The following CFAP44 variants were observed in gnomAD, a reference collection of about 807,000 sequenced individuals.
CFAP44 encodes cilia- and flagella-associated protein 44.
In CFAP44, 134 loss-of-function variants were observed where a neutral mutation model predicts 216.2. The ratio of observed to expected loss-of-function variants is 0.62; its 90% CI spans 0.54 to 0.72. The LOEUF (loss-of-function observed/expected upper bound fraction) is 0.72, where lower values mean the gene tolerates loss of function less well. CFAP44 is among the 30% of genes least tolerant of loss of function. The probability of loss-of-function intolerance (pLI) is 0.00; values close to 1 mark genes in which losing one functional copy is unlikely to be tolerated. For synonymous variants in CFAP44, 700 were observed against 727.6 expected, an observed-to-expected ratio of 0.96 and a Z score of 0.61; for missense variants, 2,035 against 2,182.1, an observed-to-expected ratio of 0.93 and a Z score of 1.34.
At chr3:113,304,249 T>C in intron 31 of CFAP44, 132 bp from the exon 32 acceptor site, 1 of 858,636 alleles carries the variant, frequency 1.2e-6, no homozygotes, top group Non-Finnish European at 1.7e-6. Flanking sequence ...TACGTCTTCC[T>C]TACTGAGTAA....
At chr3:113,389,940 A>G (rs1390342028) in intron 15 of CFAP44, among the ~76,000 whole-genome samples, 2 of 151,964 alleles carry the variant, frequency 1.3e-5, no homozygotes, top group Non-Finnish European at 2.9e-5. Flanking sequence ...AAGAATACCA[A>G]TCATGCTCAA....
At chr3:113,323,782 G>A (rs564878173) in intron 28 of CFAP44, among the ~76,000 whole-genome samples, 11 of 152,210 alleles carry the variant, frequency 7.2e-5, no homozygotes, top group African/African-American at 1.2e-4. Flanking sequence ...AGTGGCTCAC[G>A]CCTGTAATCC....
intron 17 of CFAP44, among the ~76,000 whole-genome samples, chr3:113,376,082 T>C (rs943552307): frequency 6.6e-6 from 1 of 152,192 alleles, no homozygotes; most frequent in African/African-American, 2.4e-5. Flanking sequence ...AAAAGACAAA[T>C]ATAATCCTAT....
chr3:113,331,286 G>A (rs569296285), intron 25 of CFAP44, among the ~76,000 whole-genome samples: 41 of 151,940 alleles, frequency 2.7e-4, no homozygotes, highest in Admixed American at 9.8e-4. Context: ...CAGGCACAGG[G>A]GCTATACAAT....
intron 17 of CFAP44, among the ~76,000 whole-genome samples, chr3:113,374,565 T>C (rs962372646): frequency 6.6e-6 from 1 of 152,058 alleles, no homozygotes; most frequent in Admixed American, 6.6e-5. Context: ...AAAGAGATAT[T>C]TGAACACCCA....
chr3:113,404,175 C>T, intron 8 of CFAP44, 159 bp from the exon 9 acceptor site: 2 of 789,704 alleles, frequency 2.5e-6, no homozygotes, highest in South Asian at 4.5e-5. Context: ...AGACCTACTA[C>T]CCCAGACACA....
rs749018450 is a variant in CFAP44, at chr3:113,373,433, G to T, written c.2422C>A (p.Pro808Thr). ...CACTTGAAAGTGATAGTTTGGATGG[G>T]ATTGTCCTCTGTATCCGCAAGATAA... ...VRYLADTEDN[P>T]IQTITFNINK... Residue 808 changes from proline (P) to threonine (T), a missense_variant, in exon 18 of 35, where the codon CCC (proline) becomes ACC (threonine). This residue lies in a region of CFAP44 where 1,883 missense variants were observed against 2,023.7 expected (regional missense o/e 0.93). Transcript: ENST00000393845. 2 of 1,595,914 alleles carry T rather than the reference G, an allele frequency of 1.3e-6. No homozygotes were observed. Among genetic ancestry groups the T allele is most frequent in the Admixed American group, 3.5e-5 (2 of 57,798 alleles).
intron 22 of CFAP44, among the ~76,000 whole-genome samples, chr3:113,356,257 T>G (rs1950491502): frequency 1.3e-5 from 2 of 151,270 alleles, no homozygotes; most frequent in African/African-American, 4.8e-5. Flanking sequence ...ATATTTATTA[T>G]TTAATTATTA....
chr3:113,326,326 G>A, intron 28 of CFAP44, 119 bp downstream of exon 28: 5 of 894,340 alleles, frequency 5.6e-6, no homozygotes, highest in Non-Finnish European at 7.9e-6. Flanking sequence ...CCCCCACAGT[G>A]TCTCTACATT....
intron 15 of CFAP44, among the ~76,000 whole-genome samples, chr3:113,395,015 C>A (rs1012247485): frequency 3.7e-4 from 56 of 152,324 alleles, no homozygotes; most frequent in African/African-American, 1.3e-3. Context: ...TATTTGTTGA[C>A]TAACTTCAAA....
At chr3:113,396,801 AT>A in intron 13 of CFAP44, 74 bp from the exon 14 acceptor site, 1 of 1,405,936 alleles carries the variant, frequency 7.1e-7, no homozygotes, top group Non-Finnish European at 9.7e-7. Flanking sequence ...CAGATATTTT[AT>A]TTAGACTCAG....
intron 4 of CFAP44, among the ~76,000 whole-genome samples, chr3:113,423,056 T>C (rs1195722913): frequency 1.3e-5 from 2 of 151,746 alleles, no homozygotes; most frequent in Non-Finnish European, 2.9e-5. Flanking sequence ...GAAATGTTTG[T>C]TGAACTAATG....
intron 6 of CFAP44, among the ~76,000 whole-genome samples, chr3:113,410,083 C>T: frequency 6.6e-6 from 1 of 152,188 alleles, no homozygotes; most frequent in East Asian, 1.9e-4. Flanking sequence ...AGCCAAGCAG[C>T]CCAAGCCACT....
chr3:113,423,716 C>T (rs925984876), intron 4 of CFAP44, among the ~76,000 whole-genome samples: 7 of 152,178 alleles, frequency 4.6e-5, no homozygotes, highest in African/African-American at 1.2e-4. Flanking sequence ...ATAAATGGCA[C>T]ATTTCTTGCT....
rs1439238224 is a variant in CFAP44, at chr3:113,430,116, A to G, written c.101-2777T>C. 2.0e-5 allele frequency among the ~76,000 whole-genome samples: 3 copies of G among 152,246 alleles called. No individual in the cohort carries two copies. In the East Asian group the frequency reaches 5.8e-4, roughly 29 times the overall value. On this transcript the variant is annotated intron_variant, in intron 2 of 34. Coordinates refer to ENST00000393845, the MANE Select transcript of CFAP44 (RefSeq NM_001164496.2). Reference sequence around the variant, plus strand: ...ATTTAAATGGATTGAAATCATATAGAATAGATATGTTCTCTGAAAACAACA... The same window carrying G: ...ATTTAAATGGATTGAAATCATATAGGATAGATATGTTCTCTGAAAACAACA...
chr3:113,419,864 G>A (rs909570683), intron 5 of CFAP44, among the ~76,000 whole-genome samples, 153 bp downstream of exon 5: 2 of 152,170 alleles, frequency 1.3e-5, no homozygotes, highest in African/African-American at 4.8e-5. Flanking sequence ...TAACTGAATT[G>A]AAAATGCCTT....
At chr3:113,300,325 AAC>A (rs1402050937) in intron 32 of CFAP44, among the ~76,000 whole-genome samples, 1 of 152,134 alleles carries the variant, frequency 6.6e-6, no homozygotes, top group Non-Finnish European at 1.5e-5. Flanking sequence ...GGTGAATAAT[AAC>A]TTAATTGTAC....
In CFAP44 at chr3:113,301,494, T is replaced by C. The variant is rs543052740; in HGVS notation, c.5077+2422A>G. 5.9e-5 allele frequency among the ~76,000 whole-genome samples: 9 copies of C among 152,238 alleles called. No individual in the cohort carries two copies. In the South Asian group the frequency reaches 1.7e-3, roughly 28 times the overall value. ...TAATACTCCACTGCTTATATGTATG[T>C]TCCACATATCAAATATTACTAAAGT... is the stretch of plus-strand genomic sequence containing the variant. On this transcript the variant is annotated intron_variant, in intron 32 of 34. Coordinates refer to ENST00000393845, the MANE Select transcript of CFAP44 (RefSeq NM_001164496.2).
chr3:113,307,991 TA>T (rs1227199026), intron 29 of CFAP44, among the ~76,000 whole-genome samples, 166 bp downstream of exon 29: 1 of 151,992 alleles, frequency 6.6e-6, no homozygotes, highest in Non-Finnish European at 1.5e-5. Context: ...AAAAAATAAA[TA>T]AATATCCTTA....
Sources: gnomAD v4.1 joint callset for allele counts (sites outside exome capture counted in the v4.1 genomes callset) on GRCh38, gnomAD v4.1.1 for gene constraint, gnomAD v4.1.1 regional missense constraint, MANE v1.5 for transcripts, NCBI Gene and HGNC (gene_info 2026-07-23, HGNC 2026-07-21) for gene names.